The following GRK7 variants were observed in gnomAD, a reference collection of about 807,000 sequenced individuals.
GRK7 encodes the protein G protein-coupled receptor kinase 7, also known as rhodopsin kinase GRK7.
A neutral mutation model predicts 34.1 loss-of-function variants in GRK7; 24 were observed. That is an observed-to-expected ratio of 0.70 (90% CI 0.51 to 0.99). GRK7 has a LOEUF of 0.99. Among genes scored for constraint, GRK7 ranks in the 50% least tolerant of loss-of-function variants. The pLI, the probability that GRK7 is intolerant of heterozygous loss-of-function variation, is 0.00. For synonymous variants in GRK7, 256 were observed against 279.4 expected (o/e 0.92, Z 0.84); for missense variants, 644 against 707.3 (o/e 0.91, Z 1.02).
the GRK7 span, among the ~76,000 whole-genome samples, chr3:141,756,323 A>T: frequency 4.5e-5 from 3 of 67,302 alleles, no homozygotes; most frequent in African/African-American, 2.1e-4. Flanking sequence ...AAAAGAAAAA[A>T]AAAGGTGGGG....
At chr3:141,806,550 G>A (rs1711038487) in intron 4 of GRK7, among the ~76,000 whole-genome samples, 1 of 151,600 alleles carries the variant, frequency 6.6e-6, no homozygotes, top group African/African-American at 2.4e-5. Flanking sequence ...GTGACACAAC[G>A]ATACTCCATC....
At chr3:141,787,431 C>T (rs553203442) in intron 4 of GRK7, among the ~76,000 whole-genome samples, 1 of 152,096 alleles carries the variant, frequency 6.6e-6, no homozygotes, top group African/African-American at 2.4e-5. Context: ...TGAGACCAGC[C>T]TGGCCAACAT....
At chr3:141,799,219 G>A (rs1008863731) in intron 4 of GRK7, among the ~76,000 whole-genome samples, 13 of 152,132 alleles carry the variant, frequency 8.5e-5, no homozygotes, top group Non-Finnish European at 1.9e-4. Context: ...GGGAAGAAGG[G>A]GACTCTACAA....
In GRK7 at chr3:141,794,604, G is replaced by A. The variant is rs1344975541; in HGVS notation, c.1051-13041G>A. Reference sequence around the variant, plus strand: ...AAAAGCTGTGGCAGGGTTTCATGAAGGGGACAACATGTTTCAAATTTTGTT... The same window carrying A: ...AAAAGCTGTGGCAGGGTTTCATGAAAGGGACAACATGTTTCAAATTTTGTT... On this transcript the variant is annotated intron_variant, in intron 4 of 5. Transcript: ENST00000682958. Among the ~76,000 whole-genome samples the A allele has an allele frequency of 4.6e-5, 7 of 152,346 alleles. No individual in the cohort carries two copies. The South Asian group carries it at 1.0e-3, about 23-fold the overall frequency.
rs774940551 is a variant in GRK7 at position 141,778,442 on chromosome 3, C to G, written c.158C>G (p.Ser53Cys). ...QGCAELRQKLSLNFHSLCEQQ... is the reference protein window; with the variant it reads ...QGCAELRQKLCLNFHSLCEQQ... ...TGCGCGGAGCTCCGCCAGAAGCTGTCCCTGAACTTCCACAGCCTGTGTGAG... is the reference window on the plus strand; with the variant it reads ...TGCGCGGAGCTCCGCCAGAAGCTGTGCCTGAACTTCCACAGCCTGTGTGAG... Residue 53 changes from serine (S) to cysteine (C), a missense_variant, in exon 3 of 6, where the codon TCC becomes TGC. Ser to Cys is a moderately radical substitution (Grantham distance 112, BLOSUM62 -1). Coordinates refer to ENST00000682958, the MANE Select transcript of GRK7 (RefSeq NM_139209.3). The surrounding 1 kb of genome is among the most constrained non-coding windows in gnomAD (Gnocchi z 4.1). 4 of 1,612,970 alleles carry G rather than the reference C, an allele frequency of 2.5e-6. No homozygotes were observed. Among genetic ancestry groups the G allele is most frequent in the African/African-American group, 2.7e-5 (2 of 74,948 alleles).
rs188423038 is a variant in GRK7 at position 141,775,038 on chromosome 3, C to T, written c.-114+358C>T. ...AACTCCTGGCTTCCAGTGATCCACC[C>T]GCCTCAGCCTCCCACAGTGCTGGGA... is the stretch of plus-strand genomic sequence containing the variant. On this transcript the variant is annotated intron_variant, in intron 2 of 5. Transcript: ENST00000682958. 2.1e-3 allele frequency among the ~76,000 whole-genome samples: 324 copies of T among 152,214 alleles called. 3 individuals are homozygous for T. The highest frequency in any genetic ancestry group is 7.3e-3 in the African/African-American group (303 of 41,556).
intron 4 of GRK7, among the ~76,000 whole-genome samples, chr3:141,799,610 T>TA (rs565825432): frequency 0.072 from 10,338 of 143,760 alleles, 443 homozygotes; most frequent in African/African-American, 0.14. Flanking sequence ...AGGCTCGGTC[T>TA]AAAAAAAAAA....
At chr3:141,777,166 G>A (rs923326820) in intron 2 of GRK7, among the ~76,000 whole-genome samples, 4 of 152,012 alleles carry the variant, frequency 2.6e-5, no homozygotes, top group South Asian at 2.1e-4. Context: ...AGTCGCGACC[G>A]CATGCCGTGA....
At chr3:141,797,297 C>G (rs917939169) in intron 4 of GRK7, among the ~76,000 whole-genome samples, 2 of 152,184 alleles carry the variant, frequency 1.3e-5, no homozygotes, top group Non-Finnish European at 2.9e-5. Context: ...GAGCGGCCTC[C>G]GCGCGACACT....
chr3:141,779,464 A>G (rs1464240392), intron 3 of GRK7, among the ~76,000 whole-genome samples: 1 of 152,154 alleles, frequency 6.6e-6, no homozygotes, highest in Non-Finnish European at 1.5e-5. Context: ...ATCTTGAAGT[A>G]AGGTTGAGAA....
rs570181282 is a variant in GRK7, at chr3:141,780,732, T to C, written c.971T>C (p.Leu324Pro). The change falls in exon 4 of 6, where the codon CTG becomes CCG. Residue 324 changes from leucine (L) to proline (P), a missense_variant. Leu to Pro is a moderately conservative substitution (Grantham distance 98). Coordinates refer to ENST00000682958, the MANE Select transcript of GRK7 (RefSeq NM_139209.3). ...YRDMKPENVL[L>P]DDLGNCRLSD... Reference sequence around the variant, plus strand: ...GACATGAAGCCTGAGAATGTGCTTCTGGATGACCTCGGCAACTGCAGGTTA... The same window carrying C: ...GACATGAAGCCTGAGAATGTGCTTCCGGATGACCTCGGCAACTGCAGGTTA... 1.2e-6 allele frequency: 2 copies of C among 1,614,210 alleles called. No individual in the cohort carries two copies. Among genetic ancestry groups the C allele is most frequent in the South Asian group, 2.2e-5 (2 of 91,090 alleles).
At chr3:141,757,127 TTCTTTTTTTTTTTTTTTTTC>T in the GRK7 span, among the ~76,000 whole-genome samples, 87 of 91,152 alleles carry the variant, frequency 9.5e-4, no homozygotes, top group East Asian at 0.018. Flanking sequence ...TTAGATCTTC[TTCTTTTTTTTTTTTTTTTTC>T]TTTTTTTTTT....
chr3:141,788,247 G>A (rs1021540792), intron 4 of GRK7, among the ~76,000 whole-genome samples: 8 of 152,124 alleles, frequency 5.3e-5, no homozygotes, highest in Non-Finnish European at 1.2e-4. Flanking sequence ...AGCCATTGAA[G>A]GTTTTTGAAC....
chr3:141,792,593 A>G (rs2084729667), intron 4 of GRK7, among the ~76,000 whole-genome samples: 1 of 152,286 alleles, frequency 6.6e-6, no homozygotes, highest in African/African-American at 2.4e-5. Flanking sequence ...TTCACTCAGC[A>G]AAGAGGTTCC....
At position 141,765,254 on chromosome 3, in the gene GRK7, T is replaced by C. The variant is rs2084575157; in HGVS notation, c.-699T>C. Reference sequence around the variant, plus strand: ...ATTTGAGCCAGCTGTTCCTTCTCCCTGAAGTGCTCTACCCTCAGGCAGTCA... The same window carrying C: ...ATTTGAGCCAGCTGTTCCTTCTCCCCGAAGTGCTCTACCCTCAGGCAGTCA... On this transcript the variant is annotated 5_prime_UTR_variant, in exon 1 of 6. Coordinates refer to ENST00000682958, the MANE Select transcript of GRK7 (RefSeq NM_139209.3). 6.6e-6 allele frequency among the ~76,000 whole-genome samples: 1 copy of C among 152,194 alleles called. No homozygotes were observed. Among genetic ancestry groups the C allele is most frequent in the African/African-American group, 2.4e-5 (1 of 41,452 alleles).
At chr3:141,751,614 G>T in the GRK7 span, among the ~76,000 whole-genome samples, 1 of 152,296 alleles carries the variant, frequency 6.6e-6, no homozygotes, top group African/African-American at 2.4e-5. Context: ...GGTATGGGGG[G>T]TCTGCCCACT....
In GRK7 at chr3:141,778,890, T is replaced by G. The variant is rs780171476; in HGVS notation, c.606T>G (p.Phe202Leu). ...TEFRVLGKGG[F>L]GEVCAVQVKN... ...TCAGAGTGCTGGGGAAAGGTGGTTT[T>G]GGGGAGGTAAGTGTCTCCCAGTAGC... The change falls in exon 3 of 6, where the codon TTT (phenylalanine) becomes TTG (leucine). Residue 202 changes from phenylalanine to leucine, a missense_variant. Physicochemically the swap from Phe to Leu is conservative, Grantham distance 22. Transcript: ENST00000682958. The surrounding 1 kb of genome is among the most constrained non-coding windows in gnomAD (Gnocchi z 4.1). 1.9e-6 allele frequency: 3 copies of G among 1,608,278 alleles called. No individual in the cohort carries two copies. The Admixed American group carries it at 5.1e-5, about 27-fold the overall frequency.
chr3:141,753,376 A>G, the GRK7 span, among the ~76,000 whole-genome samples: 1 of 152,084 alleles, frequency 6.6e-6, no homozygotes, highest in Non-Finnish European at 1.5e-5. Flanking sequence ...TGGTTCCCCA[A>G]TTTTTTTGGC....
At chr3:141,800,084 G>A (rs953664929) in intron 4 of GRK7, among the ~76,000 whole-genome samples, 1 of 152,080 alleles carries the variant, frequency 6.6e-6, no homozygotes, top group Non-Finnish European at 1.5e-5. Flanking sequence ...GTCTCTTTAT[G>A]CCTCTGCCAC....
Sources: gnomAD v4.1 joint callset for allele counts (sites outside exome capture counted in the v4.1 genomes callset) on GRCh38, gnomAD v4.1.1 for gene constraint, Gnocchi (gnomAD v3.1) non-coding constraint, MANE v1.5 for transcripts, NCBI Gene and HGNC (gene_info 2026-07-23, HGNC 2026-07-21) for gene names.